The following TANC2 variants were observed in gnomAD, a reference collection of about 807,000 sequenced individuals.
TANC2 encodes the protein tetratricopeptide repeat, ankyrin repeat and coiled-coil containing 2.
A neutral mutation model predicts 210.5 loss-of-function variants in TANC2; 26 were observed. That is an observed-to-expected ratio of 0.12 (90% CI 0.09 to 0.17). The LOEUF (loss-of-function observed/expected upper bound fraction) is 0.17, where lower values mean the gene tolerates loss of function less well. Among genes scored for constraint, TANC2 ranks in the 10% least tolerant of loss-of-function variants. The probability of loss-of-function intolerance (pLI) is 1.00; values close to 1 mark genes in which losing one functional copy is unlikely to be tolerated. For synonymous variants in TANC2, 931 were observed against 967.1 expected (o/e 0.96, Z 0.69); for missense variants, 2,129 against 2,608.9 (o/e 0.82, Z 4.01).
chr17:63,031,075 T>C (rs1267411468), intron 2 of TANC2, among the ~76,000 whole-genome samples: 1 of 150,276 alleles, frequency 6.7e-6, no homozygotes, highest in Non-Finnish European at 1.5e-5. Flanking sequence ...GGCCCCAAAC[T>C]ATAGGATTTT....
At chr17:63,298,628 A>G (rs536145791) in intron 9 of TANC2, among the ~76,000 whole-genome samples, 1 of 152,342 alleles carries the variant, frequency 6.6e-6, no homozygotes, top group East Asian at 1.9e-4. Context: ...AATATTGTGA[A>G]TGTACTAGAT....
At position 63,257,864 on chromosome 17, in the gene TANC2, G is replaced by T. The variant is rs182251780; in HGVS notation, c.1034-9884G>T. Among the ~76,000 whole-genome samples the T allele has an allele frequency of 5.8e-4, 88 of 152,134 alleles. No homozygotes were observed. In the East Asian group the frequency reaches 0.012, roughly 21 times the overall value. Reference sequence around the variant, plus strand: ...GAAAAGTAGTTATTATATTTGATAGGTTCAACTTTTAGGCTTTCTACTCAA... The same window carrying T: ...GAAAAGTAGTTATTATATTTGATAGTTTCAACTTTTAGGCTTTCTACTCAA... On this transcript the variant is annotated intron_variant, in intron 8 of 27. Transcript: ENST00000689528.
chr17:62,988,700 T>G (rs1232517664), intron 1 of TANC2, among the ~76,000 whole-genome samples: 1 of 152,200 alleles, frequency 6.6e-6, no homozygotes, highest in Non-Finnish European at 1.5e-5. Context: ...GGAAGCAATT[T>G]TTTTAGTGTT....
chr17:63,379,944 G>T, intron 15 of TANC2, 118 bp downstream of exon 15: 3 of 802,202 alleles, frequency 3.7e-6, no homozygotes, highest in Non-Finnish European at 6.0e-6. Flanking sequence ...TGCAAACTTG[G>T]TTCATCTCCC....
intron 2 of TANC2, among the ~76,000 whole-genome samples, chr17:63,036,647 C>A (rs1464240337): frequency 6.6e-6 from 1 of 151,952 alleles, no homozygotes; most frequent in Admixed American, 6.6e-5. Context: ...TAAAAAGATC[C>A]TTCTGGGATT....
intron 2 of TANC2, among the ~76,000 whole-genome samples, chr17:63,030,050 C>T (rs542618228): frequency 7.8e-4 from 118 of 152,196 alleles, no homozygotes; most frequent in Non-Finnish European, 1.4e-3. Context: ...TGCATTATAT[C>T]CTTAAAGCTG....
intron 4 of TANC2, among the ~76,000 whole-genome samples, chr17:63,138,677 A>G (rs2039179393): frequency 6.6e-6 from 1 of 152,186 alleles, no homozygotes; most frequent in African/African-American, 2.4e-5. Flanking sequence ...ATGTTTTTAA[A>G]AGATTTTTCT....
In TANC2 at chr17:62,980,823, T is replaced by C. The variant is rs1354883987; in HGVS notation, c.-24+14074T>C. ...AAGAGTCTTAATTCTTTCATCTCAC[T>C]GGGACTTTCTCATTTGCCACCTTTT... is the stretch of plus-strand genomic sequence containing the variant. On this transcript the variant is annotated intron_variant, in intron 1 of 27. Transcript: ENST00000689528. 7.2e-5 allele frequency among the ~76,000 whole-genome samples: 11 copies of C among 152,332 alleles called. No homozygotes were observed. The South Asian group carries it at 2.3e-3, about 32-fold the overall frequency.
intron 2 of TANC2, among the ~76,000 whole-genome samples, chr17:63,025,745 G>A (rs927977627): frequency 2.6e-5 from 4 of 151,568 alleles, no homozygotes; most frequent in Non-Finnish European, 5.9e-5. Flanking sequence ...GCAGTGAGCC[G>A]TGATTGCACC....
intron 12 of TANC2, among the ~76,000 whole-genome samples, chr17:63,346,479 T>C (rs532224380): frequency 4.4e-4 from 67 of 152,276 alleles, no homozygotes; most frequent in African/African-American, 1.5e-3. Flanking sequence ...GTCAACAGCC[T>C]ACAAGCACAT....
chr17:63,405,964 A>G (rs913541593), intron 20 of TANC2, among the ~76,000 whole-genome samples, 190 bp from the exon 21 acceptor site: 11 of 152,328 alleles, frequency 7.2e-5, no homozygotes, highest in South Asian at 4.1e-4. Context: ...AATCCTTCTC[A>G]TTTGACTGTC....
chr17:63,200,122 G>T (rs1444735146), intron 6 of TANC2, among the ~76,000 whole-genome samples: 4 of 151,986 alleles, frequency 2.6e-5, no homozygotes, highest in Non-Finnish European at 5.9e-5. Flanking sequence ...TTGGGAGGTT[G>T]AGGCGGGTGG....
intron 5 of TANC2, chr17:63,154,259 G>A (rs1202828973): frequency 1.3e-5 from 2 of 152,000 alleles, no homozygotes; most frequent in African/African-American, 4.8e-5. Context: ...ATTTGTCTAG[G>A]GTCACAAGCA....
intron 5 of TANC2, among the ~76,000 whole-genome samples, chr17:63,167,906 A>G (rs925530952): frequency 5.4e-4 from 81 of 150,156 alleles, no homozygotes; most frequent in South Asian, 3.2e-3. Context: ...AAAAAAAAAA[A>G]AAAGAAAAGG....
At chr17:62,997,492 T>G (rs2033173792) in intron 1 of TANC2, among the ~76,000 whole-genome samples, 1 of 152,188 alleles carries the variant, frequency 6.6e-6, no homozygotes, top group South Asian at 2.1e-4. Context: ...TTTTTATAAT[T>G]ATATGAACAG....
In TANC2 at chr17:63,145,747, T is replaced by C. The variant is rs369403526; in HGVS notation, c.323-5523T>C. Among the ~76,000 whole-genome samples the C allele has an allele frequency of 7.9e-5, 12 of 152,306 alleles. No homozygotes were observed. In the East Asian group the frequency reaches 2.3e-3, roughly 29 times the overall value. The stretch of plus-strand genomic sequence containing the variant: ...TTTCTGGCCAGCCTTTTCTATTCCA[T>C]TGGTCTATATGTCTGTCTTTATGCC... On this transcript the variant is annotated intron_variant, in intron 4 of 27. Coordinates refer to ENST00000689528, the Ensembl canonical transcript of TANC2.
chr17:63,068,626 G>A (rs189749679), intron 2 of TANC2, among the ~76,000 whole-genome samples: 5 of 152,164 alleles, frequency 3.3e-5, no homozygotes, highest in African/African-American at 1.2e-4. Flanking sequence ...AAATGAATTC[G>A]ACAGATAAAT....
rs2040830893 is a variant in TANC2, at chr17:63,182,659, T to C, written c.434-11332T>C. 4 of 163,694 alleles carry C rather than the reference T, an allele frequency of 2.4e-5. No homozygotes were observed. The South Asian group carries it at 6.6e-4, about 27-fold the overall frequency. 10.1% of individuals were successfully genotyped at this position (163,694 alleles called of 1,614,324 possible). On this transcript the variant is annotated intron_variant, in intron 5 of 27. Coordinates refer to ENST00000689528, the Ensembl canonical transcript of TANC2. The stretch of plus-strand genomic sequence containing the variant: ...TTTCTTCTTTTGATACACAATTTGC[T>C]TCATTCAATCATGAGGTCATGGAGG...
intron 2 of TANC2, among the ~76,000 whole-genome samples, chr17:63,025,957 C>T (rs1201923329): frequency 2.0e-5 from 3 of 152,044 alleles, no homozygotes; most frequent in African/African-American, 4.8e-5. Flanking sequence ...TCCTGTAAAT[C>T]TCCCTTTTAT....
Sources: gnomAD v4.1 joint callset for allele counts (sites outside exome capture counted in the v4.1 genomes callset) on GRCh38, gnomAD v4.1.1 for gene constraint, MANE v1.5 for transcripts, NCBI Gene and HGNC (gene_info 2026-07-23, HGNC 2026-07-21) for gene names.